Variants in NUP98 observed in about 807,000 individuals in gnomAD.
The protein encoded by NUP98 is nucleoporin 98 and 96 precursor.
In NUP98, 26 loss-of-function variants were observed where a neutral mutation model predicts 191.9. The ratio of observed to expected loss-of-function variants is 0.14; its 90% CI spans 0.10 to 0.19. The LOEUF is 0.19. Among genes scored for constraint, NUP98 ranks in the 10% least tolerant of loss-of-function variants. The pLI is 1.00. For missense variants in NUP98, 1,941 were observed against 2,178.8 expected (o/e 0.89, Z 2.17); for synonymous variants, 808 against 778.4 (o/e 1.04, Z -0.63).
At chr11:3,795,257 T>C (rs757012932) in intron 1 of NUP98, among the ~76,000 whole-genome samples, 3 of 151,944 alleles carry the variant, frequency 2.0e-5, no homozygotes, top group Non-Finnish European at 4.4e-5. Flanking sequence ...CTGGGCAACA[T>C]AGCGAAACCC....
At position 3,773,997 on chromosome 11, in the gene NUP98, T is replaced by C. The variant is rs188490369; in HGVS notation, c.496-258A>G. On this transcript the variant is annotated intron_variant, in intron 5 of 32. Transcript: ENST00000324932. ...CCATAACCCAAGCCATCCAATTACA[T>C]GGTAAAATACATGTAATATTATGCA... Among the ~76,000 whole-genome samples the C allele has an allele frequency of 2.3e-3, 355 of 152,292 alleles. 2 individuals are homozygous for C. The highest frequency in any genetic ancestry group is 4.3e-3 in the Admixed American group (66 of 15,288).
intron 26 of NUP98, 97 bp downstream of exon 26, chr11:3,695,352 T>C (rs2078466829): frequency 8.7e-7 from 1 of 1,146,978 alleles, no homozygotes; most frequent in African/African-American, 1.6e-5. Flanking sequence ...TGTGTAACTG[T>C]GCACAATTTA....
At chr11:3,771,166 T>C (rs1457953186) in intron 7 of NUP98, among the ~76,000 whole-genome samples, 1 of 152,154 alleles carries the variant, frequency 6.6e-6, no homozygotes, top group Non-Finnish European at 1.5e-5. Flanking sequence ...CTTGGCCTCT[T>C]TTCCATCCTT....
At chr11:3,703,866 A>G (rs531200738) in intron 22 of NUP98, among the ~76,000 whole-genome samples, 37 of 152,242 alleles carry the variant, frequency 2.4e-4, no homozygotes, top group African/African-American at 7.2e-4. Context: ...CTAGCTAGCT[A>G]TTATAGGGAT....
chr11:3,714,008 A>C lies in NUP98; in HGVS notation c.2400-13T>G. 1 of 1,613,158 alleles carries C rather than the reference A, an allele frequency of 6.2e-7. No homozygotes were observed. Among genetic ancestry groups the C allele is most frequent in the African/African-American group, 1.3e-5 (1 of 74,942 alleles). ...AACTTCAGCCTTCCTGTAAAACATAACCAATTAAAGTAACCAATTAAAGTA... is the reference window on the plus strand; with the variant it reads ...AACTTCAGCCTTCCTGTAAAACATACCCAATTAAAGTAACCAATTAAAGTA... On this transcript the variant is annotated splice_polypyrimidine_tract_variant and intron_variant, in intron 18 of 32. Transcript: ENST00000324932.
At chr11:3,779,320 T>G (rs1427501672) in intron 2 of NUP98, 63 bp from the exon 3 acceptor site, 2 of 1,247,266 alleles carry the variant, frequency 1.6e-6, no homozygotes, top group Admixed American at 1.7e-5. Context: ...GATGACCAAA[T>G]GAAAAGGCAT....
chr11:3,688,121 T>C (rs11029035), intron 28 of NUP98, among the ~76,000 whole-genome samples: 7,665 of 151,608 alleles, frequency 0.051, 422 homozygotes, highest in South Asian at 0.16. Flanking sequence ...AACAGTAAAT[T>C]TGGCCGGGCA....
rs146515319 is a variant in NUP98, at chr11:3,702,712, G to A, written c.3263C>T (p.Pro1088Leu). The stretch of plus-strand genomic sequence containing the variant: ...CCTACGTGTACCCACTGTTTTCAAC[G>A]GAACCTCAGGGGCTGGGCTGGGCAT... Reference protein sequence around the residue: ...FTMPSPAPEVPLKTVGTRRQL... With the variant: ...FTMPSPAPEVLLKTVGTRRQL... The change falls in exon 23 of 33, where the codon CCG becomes CTG. Residue 1088 changes from proline (P) to leucine (L), a missense_variant. Physicochemically the swap from Pro to Leu is moderately conservative, Grantham distance 98 (BLOSUM62 -3). This residue lies in a region of NUP98 where 1,030 missense variants were observed against 1,115.8 expected (regional missense o/e 0.92). Transcript: ENST00000324932. The A allele has an allele frequency of 4.0e-4, 653 of 1,614,018 alleles. No individual in the cohort carries two copies. The highest frequency in any genetic ancestry group is 5.3e-4 in the Non-Finnish European group (621 of 1,180,044).
At chr11:3,739,030 A>C (rs966103327) in intron 12 of NUP98, among the ~76,000 whole-genome samples, 56 of 152,124 alleles carry the variant, frequency 3.7e-4, no homozygotes, top group Non-Finnish European at 6.0e-4. Context: ...CGTGGTATAA[A>C]GATGTACATT....
At chr11:3,757,697 G>A (rs1418846947) in intron 10 of NUP98, among the ~76,000 whole-genome samples, 1 of 152,050 alleles carries the variant, frequency 6.6e-6, no homozygotes, top group African/African-American at 2.4e-5. Context: ...TACTTGGGAG[G>A]CTGAGGCAGA....
In NUP98 at chr11:3,693,388, A is replaced by G. The variant is rs1414373597; in HGVS notation, c.4168-13T>C. On this transcript the variant is annotated splice_polypyrimidine_tract_variant and intron_variant, in intron 26 of 32. Coordinates refer to ENST00000324932, the MANE Select transcript of NUP98 (RefSeq NM_016320.5). ...AGAGCTGCCACACCTGTGCGAAACA[A>G]AATCATCACCATGGCTATATTCTAC... The G allele has an allele frequency of 6.2e-7, 1 of 1,613,836 alleles. No individual in the cohort carries two copies. Among genetic ancestry groups the G allele is most frequent in the Admixed American group, 1.7e-5 (1 of 60,008 alleles).
chr11:3,739,037 C>T (rs1162614055), intron 12 of NUP98, among the ~76,000 whole-genome samples: 2 of 151,928 alleles, frequency 1.3e-5, no homozygotes, highest in African/African-American at 2.4e-5. Flanking sequence ...TAAAGATGTA[C>T]ATTCTAAAAG....
At chr11:3,793,401 GC>G (rs1221907401) in intron 1 of NUP98, among the ~76,000 whole-genome samples, 2 of 151,594 alleles carry the variant, frequency 1.3e-5, no homozygotes. Flanking sequence ...GCGATTCTCT[GC>G]CTCAGCCTCC....
chr11:3,689,669 T>G (rs1292258374), intron 28 of NUP98, among the ~76,000 whole-genome samples: 2 of 152,158 alleles, frequency 1.3e-5, no homozygotes, highest in Non-Finnish European at 2.9e-5. Flanking sequence ...AGGGTCTCTC[T>G]CACTCCTATT....
In NUP98 at chr11:3,744,759, T is replaced by A. The variant is rs998068812; in HGVS notation, c.1268-110A>T. 3.2e-6 allele frequency: 4 copies of A among 1,236,324 alleles called. No homozygotes were observed. The East Asian group carries it at 9.7e-5, about 30-fold the overall frequency. The allele number at this position is 1,236,324 out of a possible 1,614,324, so 76.6% of individuals were successfully genotyped here. On this transcript the variant is annotated intron_variant, in intron 11 of 32. Coordinates refer to ENST00000324932, the MANE Select transcript of NUP98 (RefSeq NM_016320.5). ...CATTTGGAAACTTCATAGTGACCACTCATTTCAACAAAGGGGTGAATACGG... is the reference window on the plus strand; with the variant it reads ...CATTTGGAAACTTCATAGTGACCACACATTTCAACAAAGGGGTGAATACGG...
At chr11:3,685,065 A>T (rs1398806157) in intron 29 of NUP98, among the ~76,000 whole-genome samples, 1 of 152,240 alleles carries the variant, frequency 6.6e-6, no homozygotes, top group Non-Finnish European at 1.5e-5. Flanking sequence ...AGATAATAAC[A>T]GTGTCTATCT....
chr11:3,713,801 G>A lies in NUP98; in HGVS notation c.2577+17C>T. 13 of 1,605,492 alleles carry A rather than the reference G, an allele frequency of 8.1e-6. No homozygotes were observed. The highest frequency in any genetic ancestry group is 1.1e-5 in the Non-Finnish European group (13 of 1,176,870). On this transcript the variant is annotated intron_variant, in intron 19 of 32. Transcript: ENST00000324932. Reference sequence around the variant, plus strand: ...AATATAGTTTATAAAAGTCTGAACTGGGTTAAATGACTATACCTTAAACAC... The same window carrying A: ...AATATAGTTTATAAAAGTCTGAACTAGGTTAAATGACTATACCTTAAACAC...
At chr11:3,753,045 A>G (rs142446288) in intron 11 of NUP98, among the ~76,000 whole-genome samples, 14 of 152,340 alleles carry the variant, frequency 9.2e-5, no homozygotes, top group Middle Eastern at 3.4e-3. Flanking sequence ...CCTCATGACA[A>G]TTCTCACATT....
At chr11:3,720,998 G>GTGTGTGTGTGTGTT (rs1272715303) in intron 16 of NUP98, 173 bp from the exon 17 acceptor site, 2 of 479,912 alleles carry the variant, frequency 4.2e-6, no homozygotes, top group African/African-American at 4.0e-5. Context: ...GTGTGTGTGT[G>GTGTGTGTGTGTGTT]TGTGTGTGTG....
Sources: allele counts gnomAD v4.1 joint callset (sites outside exome capture counted in the v4.1 genomes callset), GRCh38; gene constraint gnomAD v4.1.1; regional missense constraint gnomAD v4.1.1; transcripts MANE v1.5; gene names NCBI Gene and HGNC (gene_info 2026-07-23, HGNC 2026-07-21).